PTGER4: variants seen among roughly 807,000 people sequenced by gnomAD.
PTGER4 encodes prostaglandin E receptor 4, also known as prostaglandin E2 receptor EP4 subtype.
A neutral mutation model predicts 33.2 loss-of-function variants in PTGER4; 11 were observed. The ratio of observed to expected loss-of-function variants is 0.33; its 90% CI spans 0.21 to 0.55. The LOEUF is 0.55. PTGER4 is among the 20% of genes least tolerant of loss of function. The probability of loss-of-function intolerance (pLI) is 0.92; values close to 1 mark genes in which losing one functional copy is unlikely to be tolerated. For synonymous variants in PTGER4, 275 were observed against 281.5 expected, an observed-to-expected ratio of 0.98 and a Z score of 0.23; for missense variants, 481 against 650.2, an observed-to-expected ratio of 0.74 and a Z score of 2.83.
At chr5:40,695,211 ACCAGG>A (rs1338998138), downstream of PTGER4, among the ~76,000 whole-genome samples, 1 of 152,130 alleles carries the variant, frequency 6.6e-6, no homozygotes, top group African/African-American at 2.4e-5. Flanking sequence ...AGAGTTCGAG[ACCAGG>A]ATGGCCAACA....
the PTGER4 span, among the ~76,000 whole-genome samples, chr5:40,732,903 C>A: frequency 6.6e-6 from 1 of 152,040 alleles, no homozygotes; most frequent in Admixed American, 6.6e-5. Context: ...CCACCGCGCC[C>A]GGCCTAATAT....
chr5:40,742,082 G>A, the PTGER4 span, among the ~76,000 whole-genome samples: 2 of 152,006 alleles, frequency 1.3e-5, no homozygotes, highest in Admixed American at 1.3e-4. Context: ...GCTGACTACT[G>A]TCCAATGGTT....
chr5:40,689,943 C>T (rs1386878477), intron 2 of PTGER4, among the ~76,000 whole-genome samples: 1 of 151,696 alleles, frequency 6.6e-6, no homozygotes, highest in African/African-American at 2.4e-5. Flanking sequence ...TGTGAATTAC[C>T]ACTACTACTA....
At chr5:40,730,916 A>T in the PTGER4 span, among the ~76,000 whole-genome samples, 4 of 152,170 alleles carry the variant, frequency 2.6e-5, no homozygotes, top group Non-Finnish European at 5.9e-5. Context: ...ATAATAATAA[A>T]AGTATATACA....
chr5:40,697,940 G>C (rs1231876221), downstream of PTGER4, among the ~76,000 whole-genome samples: 1 of 151,692 alleles, frequency 6.6e-6, no homozygotes, highest in Non-Finnish European at 1.5e-5. Context: ...CCATAAAAAA[G>C]AATGAAATCA....
the PTGER4 span, chr5:40,716,262 TGTC>T: frequency 6.2e-7 from 1 of 1,614,240 alleles, no homozygotes; most frequent in South Asian, 1.1e-5. Context: ...TTGCTGAAAC[TGTC>T]TTCTCTTTCT....
At position 40,680,426 on chromosome 5, in the gene PTGER4, C is replaced by G. The variant is rs1741154244; in HGVS notation, c.-96C>G. 6.4e-6 allele frequency: 1 copy of G among 155,530 alleles called. No homozygotes were observed. Among genetic ancestry groups the G allele is most frequent in the Admixed American group, 6.3e-5 (1 of 15,770 alleles). 9.6% of individuals were successfully genotyped at this position (155,530 alleles called of 1,614,324 possible). A position where few individuals can be genotyped will look rare whatever the true frequency, so the allele number is the denominator to read the frequency against. ...CAGGTTGGAGGCGGGTCCAGGACATCTGAGGGCTGACCCTGGGGGCTCGTG... is the reference window on the plus strand; with the variant it reads ...CAGGTTGGAGGCGGGTCCAGGACATGTGAGGGCTGACCCTGGGGGCTCGTG... On this transcript the variant is annotated 5_prime_UTR_variant, in exon 1 of 3. In the 5' UTR this introduces an upstream ATG that the reference lacks. Transcript: ENST00000302472. The surrounding 1 kb of genome is among the most constrained non-coding windows in gnomAD (Gnocchi z 5.5).
chr5:40,683,040 T>G lies in PTGER4; in HGVS notation c.867+1180T>G, dbSNP rs1347791966. ...AATAATGCAATACTTTATCTAGAGT[T>G]TCTCTTGAAAGCAACTAGTTATGAG... is the stretch of plus-strand genomic sequence containing the variant. On this transcript the variant is annotated intron_variant, in intron 2 of 2. Transcript: ENST00000302472. This position sits in a 1 kb window ranked among gnomAD's most constrained non-coding sequence, Gnocchi z 4.2. Among the ~76,000 whole-genome samples, 1 of 152,226 alleles carries G rather than the reference T, an allele frequency of 6.6e-6. No individual in the cohort carries two copies. The highest frequency in any genetic ancestry group is 1.5e-5 in the Non-Finnish European group (1 of 68,038).
At chr5:40,728,370 T>G in the PTGER4 span, 2 of 1,611,794 alleles carry the variant, frequency 1.2e-6, no homozygotes, top group African/African-American at 2.7e-5. Flanking sequence ...TAAACCAAGT[T>G]GAGCACGTCC....
intron 2 of PTGER4, among the ~76,000 whole-genome samples, chr5:40,684,575 T>A (rs1338360870): frequency 6.6e-6 from 1 of 152,194 alleles, no homozygotes; most frequent in African/African-American, 2.4e-5. Context: ...AAATAAATTT[T>A]AATTTGCTAT....
At chr5:40,698,688 C>T (rs956495476), downstream of PTGER4, among the ~76,000 whole-genome samples, 2 of 152,180 alleles carry the variant, frequency 1.3e-5, no homozygotes, top group Admixed American at 6.5e-5. Flanking sequence ...CTTTATGATA[C>T]GACAAAACAA....
chr5:40,703,370 G>A, the PTGER4 span, among the ~76,000 whole-genome samples: 119 of 152,190 alleles, frequency 7.8e-4, no homozygotes, highest in Middle Eastern at 0.031. Context: ...ACACCACTAC[G>A]CACACAAACT....
At chr5:40,707,855 C>T in the PTGER4 span, among the ~76,000 whole-genome samples, 678 of 152,264 alleles carry the variant, frequency 4.5e-3, 5 homozygotes, top group African/African-American at 0.016. Context: ...TGCAATCAAA[C>T]TAGAACTCAG....
In PTGER4 at chr5:40,680,871, G is replaced by C. The variant is rs1190733214; in HGVS notation, c.-43-80G>C. 9 of 1,259,520 alleles carry C rather than the reference G, an allele frequency of 7.1e-6. No individual in the cohort carries two copies. The highest frequency in any genetic ancestry group is 9.9e-6 in the Non-Finnish European group (9 of 912,018). 78.0% of individuals were successfully genotyped at this position (1,259,520 alleles called of 1,614,324 possible). A position where few individuals can be genotyped will look rare whatever the true frequency, so the allele number is the denominator to read the frequency against. ...GCTCCCCTTGTCTTATCAGTGTATC[G>C]TTTCTCGGGCGCGGGTCTAACACCT... On this transcript the variant is annotated intron_variant, in intron 1 of 2. Coordinates refer to ENST00000302472, the MANE Select transcript of PTGER4 (RefSeq NM_000958.3). This position sits in a 1 kb window ranked among gnomAD's most constrained non-coding sequence, Gnocchi z 5.5.
downstream of PTGER4, among the ~76,000 whole-genome samples, chr5:40,697,671 T>C (rs1011232989): frequency 9.6e-6 from 1 of 103,648 alleles, no homozygotes; most frequent in Non-Finnish European, 1.9e-5. Flanking sequence ...GGGAGTGTTA[T>C]AGTTCTATTA....
chr5:40,709,329 G>T, the PTGER4 span, among the ~76,000 whole-genome samples: 5 of 152,118 alleles, frequency 3.3e-5, no homozygotes, highest in Non-Finnish European at 7.3e-5. Flanking sequence ...AGCAACTTCA[G>T]CAAAGTCTCA....
the PTGER4 span, among the ~76,000 whole-genome samples, chr5:40,709,658 T>G: frequency 6.6e-6 from 1 of 152,172 alleles, no homozygotes; most frequent in African/African-American, 2.4e-5. Context: ...ACCAATGACT[T>G]TCTTCACAGA....
chr5:40,704,237 CAT>C, the PTGER4 span, among the ~76,000 whole-genome samples: 1 of 152,128 alleles, frequency 6.6e-6, no homozygotes, highest in Non-Finnish European at 1.5e-5. Context: ...ACAAAAACCA[CAT>C]GATTATCTCA....
At chr5:40,728,290 A>AAAAAAAAAAAAAAAAAAAAC in the PTGER4 span, 1 of 1,217,324 alleles carries the variant, frequency 8.2e-7, no homozygotes, top group Non-Finnish European at 1.1e-6. Flanking sequence ...TCAAAAAAAA[A>AAAAAAAAAAAAAAAAAAAAC]AAAAAGTCAA....
Sources: allele counts gnomAD v4.1 joint callset (sites outside exome capture counted in the v4.1 genomes callset), GRCh38; gene constraint gnomAD v4.1.1; non-coding constraint Gnocchi (gnomAD v3.1); transcripts MANE v1.5; gene names NCBI Gene and HGNC (gene_info 2026-07-23, HGNC 2026-07-21).